MEGF8: variants seen among roughly 807,000 people sequenced by gnomAD.
The protein encoded by MEGF8 is multiple EGF like domains 8.
MEGF8 carries 156 observed loss-of-function variants against 302.9 expected under a neutral mutation model. The ratio of observed to expected loss-of-function variants is 0.52; its 90% CI spans 0.45 to 0.59. The LOEUF (loss-of-function observed/expected upper bound fraction) is 0.59, where lower values mean the gene tolerates loss of function less well. Ranked by LOEUF, MEGF8 falls within the 20% of genes least tolerant of loss-of-function variation. The pLI, the probability that MEGF8 is intolerant of heterozygous loss-of-function variation, is 0.00. For synonymous variants in MEGF8, 1,621 were observed against 1,660.5 expected, an observed-to-expected ratio of 0.98 and a Z score of 0.58; for missense variants, 3,345 against 3,964.5, an observed-to-expected ratio of 0.84 and a Z score of 4.20.
At chr19:42,333,850 C>G in intron 2 of MEGF8, 82 bp downstream of exon 2, 6 of 1,565,682 alleles carry the variant, frequency 3.8e-6, no homozygotes, top group Non-Finnish European at 5.2e-6. Flanking sequence ...AAGAGGGCAT[C>G]CAAGAGCAGA....
Position 42,350,132 on chromosome 19 carries a change from G to T in MEGF8, c.2500-16G>T. 6.3e-7 allele frequency: 1 copy of T among 1,598,466 alleles called. No homozygotes were observed. Among genetic ancestry groups the T allele is most frequent in the Non-Finnish European group, 8.6e-7 (1 of 1,167,976 alleles). ...CCCAGACCTTGACTGCTGCCTTCCT[G>T]TGACCCCTTCCCCAGGAGATCTCCT... On this transcript the variant is annotated splice_polypyrimidine_tract_variant and intron_variant, in intron 14 of 41. Transcript: ENST00000251268.
chr19:42,337,050 G>A, intron 7 of MEGF8, 34 bp from the exon 8 acceptor site: 1 of 1,613,260 alleles, frequency 6.2e-7, no homozygotes, highest in Non-Finnish European at 8.5e-7. Context: ...CCTCCCCTAG[G>A]CTTGCCAGCT....
intron 3 of MEGF8, 133 bp downstream of exon 3, chr19:42,334,346 C>A: frequency 1.2e-6 from 1 of 820,090 alleles, no homozygotes; most frequent in Non-Finnish European, 1.9e-6. Flanking sequence ...GTGACACCCA[C>A]TTCCCTCTCC....
intron 13 of MEGF8, 138 bp from the exon 14 acceptor site, chr19:42,349,361 G>T: frequency 2.9e-6 from 2 of 688,166 alleles, no homozygotes; most frequent in Non-Finnish European, 4.7e-6. Flanking sequence ...CACCTCTGAG[G>T]TTCTCAGGAT....
In MEGF8 at chr19:42,356,665, G is replaced by A. The variant is rs1313543736; in HGVS notation, c.4623-109G>A. ...TACTCCAGGGAATGGCAAGAGGACTGTCATAGGAAGGTCACCCCAGGGGAT... is the reference window on the plus strand; with the variant it reads ...TACTCCAGGGAATGGCAAGAGGACTATCATAGGAAGGTCACCCCAGGGGAT... On this transcript the variant is annotated intron_variant, in intron 26 of 41. Transcript: ENST00000251268. The surrounding 1 kb of genome is among the most constrained non-coding windows in gnomAD (Gnocchi z 5.2). 1.2e-5 allele frequency: 14 copies of A among 1,204,480 alleles called. No homozygotes were observed. Among genetic ancestry groups the A allele is most frequent in the Non-Finnish European group, 1.3e-5 (11 of 867,838 alleles). The allele number at this position is 1,204,480 out of a possible 1,614,324, so 74.6% of individuals were successfully genotyped here. A position where few individuals can be genotyped will look rare whatever the true frequency, so the allele number is the denominator to read the frequency against.
rs2147521750 is a variant in MEGF8 at position 42,377,018 on chromosome 19, A to C, written c.*243A>C. 2.3e-6 allele frequency: 1 copy of C among 442,348 alleles called. No individual in the cohort carries two copies. Among genetic ancestry groups the C allele is most frequent in the African/African-American group, 2.0e-5 (1 of 49,276 alleles). 27.4% of individuals were successfully genotyped at this position (442,348 alleles called of 1,614,324 possible). On this transcript the variant is annotated 3_prime_UTR_variant, in exon 42 of 42. Coordinates refer to ENST00000251268, the MANE Select transcript of MEGF8 (RefSeq NM_001271938.2). ...AGGAACCAAGAGACGAGGTTCCCTGATCTCATGGGACTTAGGTTCTGGTGA... is the reference window on the plus strand; with the variant it reads ...AGGAACCAAGAGACGAGGTTCCCTGCTCTCATGGGACTTAGGTTCTGGTGA...
Position 42,368,777 on chromosome 19 carries a change from G to T in MEGF8, c.6482-66G>T. ...GGTGGGGCTCAGAGGAGGCAGGAGGGAGGGCCTAGGCAACTGGGGCAGGTG... is the reference window on the plus strand; with the variant it reads ...GGTGGGGCTCAGAGGAGGCAGGAGGTAGGGCCTAGGCAACTGGGGCAGGTG... On this transcript the variant is annotated intron_variant, in intron 36 of 41. Transcript: ENST00000251268. The surrounding 1 kb of genome is among the most constrained non-coding windows in gnomAD (Gnocchi z 4.9). The T allele has an allele frequency of 6.3e-7, 1 of 1,574,984 alleles. No individual in the cohort carries two copies. The highest frequency in any genetic ancestry group is 1.2e-5 in the South Asian group (1 of 84,636).
In MEGF8 at chr19:42,357,288, G is replaced by C; in HGVS notation, c.4831-116G>C. On this transcript the variant is annotated intron_variant, in intron 27 of 41. Transcript: ENST00000251268. The surrounding 1 kb of genome is among the most constrained non-coding windows in gnomAD (Gnocchi z 5.2). Reference sequence around the variant, plus strand: ...AGGCTGGTCCGACTGGCCCTGGGGGGGTCATTCCCTCCTTAGTACTTCAGG... The same window carrying C: ...AGGCTGGTCCGACTGGCCCTGGGGGCGTCATTCCCTCCTTAGTACTTCAGG... 7.7e-7 allele frequency: 1 copy of C among 1,295,356 alleles called. No individual in the cohort carries two copies. Among genetic ancestry groups the C allele is most frequent in the South Asian group, 1.4e-5 (1 of 73,010 alleles). 80.2% of individuals were successfully genotyped at this position (1,295,356 alleles called of 1,614,324 possible).
intron 8 of MEGF8, among the ~76,000 whole-genome samples, chr19:42,341,449 A>C (rs966452847): frequency 1.6e-4 from 24 of 151,078 alleles, no homozygotes; most frequent in Middle Eastern, 3.4e-3. Context: ...AAAAAAAAAA[A>C]ACACACATAA....
Position 42,356,144 on chromosome 19 carries a change from A to G in MEGF8, c.4454A>G (p.Asp1485Gly), listed in dbSNP as rs1172486350. The G allele has an allele frequency of 6.4e-7, 1 of 1,573,812 alleles. No homozygotes were observed. Among genetic ancestry groups the G allele is most frequent in the Admixed American group, 1.8e-5 (1 of 55,112 alleles). The part of the protein sequence containing the change: ...FGGPDCATKL[D>G]GGQLVWETLM... ...GGCCCCGACTGCGCCACCAAGCTGGATGGCGGGCAGCTGGTCTGGGAGACC... is the reference window on the plus strand; with the variant it reads ...GGCCCCGACTGCGCCACCAAGCTGGGTGGCGGGCAGCTGGTCTGGGAGACC... Residue 1485 changes from aspartate (D) to glycine (G), a missense_variant, in exon 25 of 42, where the codon GAT becomes GGT. Physicochemically the swap from Asp to Gly is moderately conservative, Grantham distance 94 (BLOSUM62 -1). Transcript: ENST00000251268. The surrounding 1 kb of genome is among the most constrained non-coding windows in gnomAD (Gnocchi z 5.2).
chr19:42,338,359 C>T (rs567547568), intron 8 of MEGF8, among the ~76,000 whole-genome samples: 1 of 152,100 alleles, frequency 6.6e-6, no homozygotes, highest in Admixed American at 6.5e-5. Context: ...CCCGCCTCAG[C>T]CTCCTAAGTA....
chr19:42,352,272 G>A lies in MEGF8; in HGVS notation c.3166G>A (p.Gly1056Ser), dbSNP rs2039386206. The A allele has an allele frequency of 1.3e-6, 2 of 1,564,712 alleles. No individual in the cohort carries two copies. Among genetic ancestry groups the A allele is most frequent in the Admixed American group, 1.9e-5 (1 of 52,910 alleles). The change falls in exon 19 of 42, where the codon GGC becomes AGC. Residue 1056 changes from glycine (G) to serine (S), a missense_variant. By Grantham distance (56) the Gly-to-Ser change is moderately conservative. Coordinates refer to ENST00000251268, the MANE Select transcript of MEGF8 (RefSeq NM_001271938.2). The surrounding 1 kb of genome is among the most constrained non-coding windows in gnomAD (Gnocchi z 4.4). ...TAACTGCTCCCTGTGGGTGGGGGAG[G>A]GCCTGGGGCTTCCCGTGGCCCTCCC... is the stretch of plus-strand genomic sequence containing the variant. ...GGNCSLWVGE[G>S]LGLPVALPAR...
intron 12 of MEGF8, among the ~76,000 whole-genome samples, chr19:42,347,733 C>A (rs1260213691): frequency 6.6e-6 from 1 of 151,924 alleles, no homozygotes; most frequent in East Asian, 1.9e-4. Context: ...CTCAAGTGAT[C>A]TGCCCACCTC....
Position 42,344,559 on chromosome 19 carries a change from A to C in MEGF8, c.1907A>C (p.His636Pro). The stretch of plus-strand genomic sequence containing the variant: ...CCTGGCACCCTGGGCTGGTGCGTGC[A>C]CAATGAGAGCTGCCTCCCTAGGCCT... ...RGPGTLGWCV[H>P]NESCLPRPEQ... The change falls in exon 11 of 42, where the codon CAC (histidine) becomes CCC (proline). Residue 636 changes from histidine to proline, a missense_variant. His to Pro is a moderately conservative substitution (Grantham distance 77, BLOSUM62 -2). Transcript: ENST00000251268. This position sits in a 1 kb window ranked among gnomAD's most constrained non-coding sequence, Gnocchi z 4.5. 6.3e-7 allele frequency: 1 copy of C among 1,598,950 alleles called. No individual in the cohort carries two copies. The highest frequency in any genetic ancestry group is 8.5e-7 in the Non-Finnish European group (1 of 1,177,342).
rs1474695479 is a variant in MEGF8 at position 42,358,995 on chromosome 19, G to C, written c.5343+41G>C. 1 of 1,590,408 alleles carries C rather than the reference G, an allele frequency of 6.3e-7. No homozygotes were observed. The highest frequency in any genetic ancestry group is 1.1e-5 in the South Asian group (1 of 87,726). The stretch of plus-strand genomic sequence containing the variant: ...GGTTAGGATTGGGTGGGCTGGTAGG[G>C]GGGGATAGGTAGGGAAGTACAGGGG... On this transcript the variant is annotated intron_variant, in intron 30 of 41. Transcript: ENST00000251268. This position sits in a 1 kb window ranked among gnomAD's most constrained non-coding sequence, Gnocchi z 4.4.
chr19:42,356,424 GC>G lies in MEGF8; in HGVS notation c.4597del (p.Gln1533ArgfsTer12). The G allele has an allele frequency of 6.2e-7, 1 of 1,608,364 alleles. No individual in the cohort carries two copies. Among genetic ancestry groups the G allele is most frequent in the Non-Finnish European group, 8.5e-7 (1 of 1,177,648 alleles). On this transcript the variant is annotated frameshift_variant, in exon 26 of 42. Coordinates refer to ENST00000251268, the MANE Select transcript of MEGF8 (RefSeq NM_001271938.2). LOFTEE classifies it high-confidence loss of function. The surrounding 1 kb of genome is among the most constrained non-coding windows in gnomAD (Gnocchi z 5.2). ...TLWMFGGLGL[P>X]QGLLGNLYRY... ...TGTGGATGTTTGGGGGCCTGGGCCT[GC>G]CCCAGGGGCTGCTGGGAAACCTGTA...
rs781130941 is a variant in MEGF8 at position 42,355,986 on chromosome 19, G to T, written c.4373G>T (p.Gly1458Val). The T allele has an allele frequency of 6.2e-7, 1 of 1,611,898 alleles. No homozygotes were observed. Among genetic ancestry groups the T allele is most frequent in the East Asian group, 2.2e-5 (1 of 44,828 alleles). Reference protein sequence around the residue: ...LCPENCNAHTGAGTCNQSLGV... With the variant: ...LCPENCNAHTVAGTCNQSLGV... Reference sequence around the variant, plus strand: ...CCTGAGAACTGCAATGCCCACACTGGGGCAGGAACTTGTAACCAGGTACAG... The same window carrying T: ...CCTGAGAACTGCAATGCCCACACTGTGGCAGGAACTTGTAACCAGGTACAG... Residue 1458 changes from glycine (G) to valine (V), a missense_variant, in exon 24 of 42, where the codon GGG becomes GTG. Coordinates refer to ENST00000251268, the MANE Select transcript of MEGF8 (RefSeq NM_001271938.2).
Position 42,354,069 on chromosome 19 carries a change from G to A in MEGF8, c.4011+45G>A, listed in dbSNP as rs907404147. 1.0e-5 allele frequency: 16 copies of A among 1,552,168 alleles called. No individual in the cohort carries two copies. The highest frequency in any genetic ancestry group is 2.7e-5 in the African/African-American group (2 of 73,190). ...GGGTTCAGGCGCATGAGCCAGAACC[G>A]TGTCCCCTGACCCAGCCTGCATCCT... is the stretch of plus-strand genomic sequence containing the variant. On this transcript the variant is annotated intron_variant, in intron 22 of 41. Transcript: ENST00000251268. The surrounding 1 kb of genome is among the most constrained non-coding windows in gnomAD (Gnocchi z 4.3).
chr19:42,369,030 G>A lies in MEGF8; in HGVS notation c.6641+28G>A. ...GAGGCCGCAGGCGGCGCTGGGGCCA[G>A]GCAGGCTAGGGTGGGAGAGTCTGTG... On this transcript the variant is annotated intron_variant, in intron 37 of 41. Transcript: ENST00000251268. This position sits in a 1 kb window ranked among gnomAD's most constrained non-coding sequence, Gnocchi z 5.7. 2 of 1,608,954 alleles carry A rather than the reference G, an allele frequency of 1.2e-6. No homozygotes were observed. Among genetic ancestry groups the A allele is most frequent in the Non-Finnish European group, 1.7e-6 (2 of 1,178,806 alleles).
Sources: allele counts gnomAD v4.1 joint callset (sites outside exome capture counted in the v4.1 genomes callset), GRCh38; gene constraint gnomAD v4.1.1; non-coding constraint Gnocchi (gnomAD v3.1); transcripts MANE v1.5; gene names NCBI Gene and HGNC (gene_info 2026-07-23, HGNC 2026-07-21).